Variants in CAMKMT observed in about 807,000 individuals in gnomAD.
CAMKMT encodes the protein calmodulin-lysine N-methyltransferase.
In CAMKMT, 53 loss-of-function variants were observed where a neutral mutation model predicts 48.0. The ratio of observed to expected loss-of-function variants is 1.10; its 90% CI spans 0.89 to 1.39. The LOEUF (loss-of-function observed/expected upper bound fraction) is 1.39, where lower values mean the gene tolerates loss of function less well. Ranked by LOEUF, CAMKMT falls within the 40% of genes most tolerant of loss-of-function variation. The pLI, the probability that CAMKMT is intolerant of heterozygous loss-of-function variation, is 0.00. For synonymous variants in CAMKMT, 165 were observed against 152.3 expected (o/e 1.08, Z -0.61); for missense variants, 428 against 402.7 (o/e 1.06, Z -0.54).
At chr2:44,770,333 G>C (rs534164787) in intron 10 of CAMKMT, among the ~76,000 whole-genome samples, 2 of 152,356 alleles carry the variant, frequency 1.3e-5, no homozygotes, top group South Asian at 4.1e-4. Context: ...AGACGGGGCT[G>C]GCCCCTGGCC....
intron 3 of CAMKMT, among the ~76,000 whole-genome samples, chr2:44,692,431 C>T (rs951260181): frequency 1.3e-5 from 2 of 152,178 alleles, no homozygotes; most frequent in Non-Finnish European, 2.9e-5. Flanking sequence ...GTCCCACTCC[C>T]ATAATTATTC....
intron 3 of CAMKMT, among the ~76,000 whole-genome samples, chr2:44,600,561 C>G (rs1670925810): frequency 6.6e-6 from 1 of 152,060 alleles, no homozygotes; most frequent in Non-Finnish European, 1.5e-5. Flanking sequence ...AGCCATGGTG[C>G]CTGGCCAAGA....
chr2:44,376,431 A>G (rs1679704179), intron 2 of CAMKMT, among the ~76,000 whole-genome samples: 1 of 151,976 alleles, frequency 6.6e-6, no homozygotes, highest in Non-Finnish European at 1.5e-5. Context: ...AAAAAAAAAA[A>G]AAAAAATAGA....
intron 3 of CAMKMT, among the ~76,000 whole-genome samples, chr2:44,397,970 T>G (rs927279765): frequency 5.3e-5 from 8 of 152,214 alleles, no homozygotes; most frequent in African/African-American, 1.4e-4. Context: ...TGTTTCTAAT[T>G]TAGGTACTTC....
chr2:44,747,220 T>G (rs1679957903), intron 8 of CAMKMT, among the ~76,000 whole-genome samples: 1 of 152,088 alleles, frequency 6.6e-6, no homozygotes, highest in Admixed American at 6.5e-5. Flanking sequence ...AAATTGTTTC[T>G]TTTTTTTAGT....
chr2:44,481,386 A>C (rs1201212293), intron 3 of CAMKMT, among the ~76,000 whole-genome samples: 1 of 151,976 alleles, frequency 6.6e-6, no homozygotes, highest in Non-Finnish European at 1.5e-5. Context: ...AGCTAGCTGA[A>C]TAGGAAAAAA....
intron 3 of CAMKMT, among the ~76,000 whole-genome samples, chr2:44,550,985 C>T (rs994793594): frequency 6.6e-6 from 1 of 152,132 alleles, no homozygotes; most frequent in African/African-American, 2.4e-5. Context: ...TATATGACAA[C>T]TTGCAAGACC....
At chr2:44,536,812 T>TGATGTATAG (rs1666800198) in intron 3 of CAMKMT, among the ~76,000 whole-genome samples, 1 of 151,990 alleles carries the variant, frequency 6.6e-6, no homozygotes, top group Non-Finnish European at 1.5e-5. Context: ...GTATAAAAAT[T>TGATGTATAG]GACGTATAGA....
intron 3 of CAMKMT, among the ~76,000 whole-genome samples, chr2:44,486,817 T>A (rs575007407): frequency 2.0e-5 from 3 of 152,198 alleles, no homozygotes; most frequent in Admixed American, 1.3e-4. Context: ...CTGAGTGAAG[T>A]TGTCTGTGTT....
At chr2:44,509,048 A>T (rs542605135) in intron 3 of CAMKMT, among the ~76,000 whole-genome samples, 97 of 151,640 alleles carry the variant, frequency 6.4e-4, no homozygotes, top group South Asian at 3.6e-3. Flanking sequence ...GTGAGCCGAG[A>T]TCATGCCACT....
chr2:44,734,474 G>A (rs1679253464), intron 7 of CAMKMT, among the ~76,000 whole-genome samples: 1 of 151,760 alleles, frequency 6.6e-6, no homozygotes, highest in South Asian at 2.1e-4. Flanking sequence ...GAGTGCAATG[G>A]TGCAATCTCA....
chr2:44,649,521 A>T (rs956378509), intron 3 of CAMKMT, among the ~76,000 whole-genome samples: 1 of 152,076 alleles, frequency 6.6e-6, no homozygotes, highest in African/African-American at 2.4e-5. Context: ...AAAGGGAGAA[A>T]CGTCTGAACT....
intron 3 of CAMKMT, among the ~76,000 whole-genome samples, chr2:44,588,308 G>A (rs1259613380): frequency 1.1e-5 from 1 of 89,426 alleles, no homozygotes; most frequent in Non-Finnish European, 2.5e-5. Context: ...GAGGGAGGGG[G>A]GGGGTCAGCC....
At chr2:44,418,242 C>A (rs537130739) in intron 3 of CAMKMT, among the ~76,000 whole-genome samples, 3 of 148,804 alleles carry the variant, frequency 2.0e-5, no homozygotes, top group Non-Finnish European at 4.5e-5. Context: ...ACTCTGAAGA[C>A]AAGTCTTTTG....
chr2:44,631,609 A>C, intron 3 of CAMKMT: 1 of 505,892 alleles, frequency 2.0e-6, no homozygotes, highest in East Asian at 3.3e-5. Context: ...CTGTGTATGC[A>C]TTTCTTGCGG....
chr2:44,716,156 T>A (rs1368612202), intron 7 of CAMKMT, among the ~76,000 whole-genome samples: 1 of 152,228 alleles, frequency 6.6e-6, no homozygotes, highest in Non-Finnish European at 1.5e-5. Flanking sequence ...TAACTCTCTG[T>A]TAAATTAATT....
At chr2:44,506,321 C>G (rs1670260046) in intron 3 of CAMKMT, among the ~76,000 whole-genome samples, 2 of 152,066 alleles carry the variant, frequency 1.3e-5, no homozygotes, top group African/African-American at 2.4e-5. Context: ...CTCTTCTACA[C>G]AATATATTTA....
At chr2:44,577,235 G>A (rs1489226439) in intron 3 of CAMKMT, among the ~76,000 whole-genome samples, 1 of 152,198 alleles carries the variant, frequency 6.6e-6, no homozygotes, top group Non-Finnish European at 1.5e-5. Context: ...TGAAGGACTT[G>A]CCATCCCAAA....
intron 3 of CAMKMT, among the ~76,000 whole-genome samples, chr2:44,434,291 A>G (rs1374306280): frequency 1.3e-5 from 2 of 151,786 alleles, no homozygotes; most frequent in Non-Finnish European, 2.9e-5. Context: ...TTAAAAAACC[A>G]TCTGTTTATC....
Sources: gnomAD v4.1 joint callset for allele counts (sites outside exome capture counted in the v4.1 genomes callset) on GRCh38, gnomAD v4.1.1 for gene constraint, MANE v1.5 for transcripts, NCBI Gene and HGNC (gene_info 2026-07-23, HGNC 2026-07-21) for gene names.